Variants in WIZ observed in about 807,000 individuals in gnomAD.
WIZ encodes WIZ zinc finger, also known as protein Wiz.
In WIZ, 25 loss-of-function variants were observed where a neutral mutation model predicts 140.2. That is an observed-to-expected ratio of 0.18 (90% CI 0.13 to 0.25). The LOEUF (loss-of-function observed/expected upper bound fraction) is 0.25. Ranked by LOEUF, WIZ falls within the 10% of genes least tolerant of loss-of-function variation. The pLI is 1.00. For missense variants in WIZ, 2,231 were observed against 2,632.6 expected (o/e 0.85, Z 3.34); for synonymous variants, 1,125 against 1,154.3 (o/e 0.97, Z 0.51).
rs1464261370 is a variant in WIZ at position 15,428,819 on chromosome 19, G to A, written c.3416-311C>T. On this transcript the variant is annotated intron_variant, in intron 7 of 12. Transcript: ENST00000673675. The surrounding 1 kb of genome is among the most constrained non-coding windows in gnomAD (Gnocchi z 6.4). Reference sequence around the variant, plus strand: ...ATGGGAGCTATTTGGGGGCGATGGTGGCTGCTGGGCTCACGCAGCCAAGGG... The same window carrying A: ...ATGGGAGCTATTTGGGGGCGATGGTAGCTGCTGGGCTCACGCAGCCAAGGG... Among the ~76,000 whole-genome samples, 4 of 152,158 alleles carry A rather than the reference G, an allele frequency of 2.6e-5. No individual in the cohort carries two copies. Among genetic ancestry groups the A allele is most frequent in the African/African-American group, 4.8e-5 (2 of 41,416 alleles).
At chr19:15,449,701 C>T (rs1328965964) in intron 1 of WIZ, 97 bp downstream of exon 1, 1 of 145,906 alleles carries the variant, frequency 6.9e-6, no homozygotes, top group Non-Finnish European at 1.5e-5. Context: ...GCCCCCGCCC[C>T]GGGGGGTCCC....
Position 15,429,867 on chromosome 19 carries a change from T to A in WIZ, c.3134A>T (p.Glu1045Val), listed in dbSNP as rs1048462296. ...GGGCCGGGGGGCCCCGGCGACCACC[T>A]CCTTCAGTGAGCTGGACTTCTTAGC... ...GLAKKSSSLK[E>V]VVAGAPRPGL... The change falls in exon 7 of 13, where the codon GAG (glutamate) becomes GTG (valine). Residue 1045 changes from glutamate to valine, a missense_variant. Around this residue, in one of 15 missense-constraint regions of WIZ, gnomAD observed 163 missense variants for 166.8 expected, o/e 0.98. Coordinates refer to ENST00000673675, the MANE Select transcript of WIZ (RefSeq NM_001371589.1). The A allele has an allele frequency of 4.6e-6, 7 of 1,532,496 alleles. No homozygotes were observed. The highest frequency in any genetic ancestry group is 6.1e-6 in the Non-Finnish European group (7 of 1,144,556). 94.9% of individuals were successfully genotyped at this position (1,532,496 alleles called of 1,614,324 possible).
rs1350894778 is a variant in WIZ at position 15,425,670 on chromosome 19, G to A, written c.4465C>T (p.Arg1489Trp). The A allele has an allele frequency of 6.2e-7, 1 of 1,613,436 alleles. No homozygotes were observed. Among genetic ancestry groups the A allele is most frequent in the Non-Finnish European group, 8.5e-7 (1 of 1,179,942 alleles). ...GACCACTCGGTCACACCCATCTGCC[G>A]CAGGTGTGAGCGCGCGTGACTCGAC... ...GLSSHARSHL[R>W]QMGVTEWSVN... The change falls in exon 10 of 13, where the codon CGG becomes TGG. Residue 1489 changes from arginine (R) to tryptophan (W), a missense_variant. Coordinates refer to ENST00000673675, the MANE Select transcript of WIZ (RefSeq NM_001371589.1).
At chr19:15,446,404 C>T (rs755410321) in intron 2 of WIZ, among the ~76,000 whole-genome samples, 1 of 152,164 alleles carries the variant, frequency 6.6e-6, no homozygotes, top group Non-Finnish European at 1.5e-5. Context: ...GGCTGTGCGA[C>T]CTGGCACAAG....
Position 15,439,907 on chromosome 19 carries a change from C to T in WIZ, c.1087G>A (p.Asp363Asn). 6.5e-7 allele frequency: 1 copy of T among 1,528,126 alleles called. No individual in the cohort carries two copies. Among genetic ancestry groups the T allele is most frequent in the Non-Finnish European group, 8.8e-7 (1 of 1,142,430 alleles). The allele number at this position is 1,528,126 out of a possible 1,614,324, so 94.7% of individuals were successfully genotyped here. ...CGGTGCTGCTCCAGGGCAGTGGGGT[C>T]AGCAAAGGCCCAGCCACACTCCCCG... Reference protein sequence around the residue: ...ACGECGWAFADPTALEQHRQL... With the variant: ...ACGECGWAFANPTALEQHRQL... The change falls in exon 4 of 13, where the codon GAC becomes AAC. Residue 363 changes from aspartate (D) to asparagine (N), a missense_variant. Transcript: ENST00000673675. This position sits in a 1 kb window ranked among gnomAD's most constrained non-coding sequence, Gnocchi z 7.0.
chr19:15,436,939 C>G lies in WIZ; in HGVS notation c.2607G>C (p.Gln869His). 1 of 1,613,412 alleles carries G rather than the reference C, an allele frequency of 6.2e-7. No individual in the cohort carries two copies. The highest frequency in any genetic ancestry group is 8.5e-7 in the Non-Finnish European group (1 of 1,179,670). The change falls in exon 5 of 13, where the codon CAG (glutamine) becomes CAC (histidine). Residue 869 changes from glutamine to histidine, a missense_variant. By Grantham distance (24) the Gln-to-His change is conservative. Around this residue, in one of 15 missense-constraint regions of WIZ, gnomAD observed 137 missense variants for 135.8 expected, o/e 1.01. Coordinates refer to ENST00000673675, the MANE Select transcript of WIZ (RefSeq NM_001371589.1). Reference protein sequence around the residue: ...QELLATSAAEQPPSPLGREPG... With the variant: ...QELLATSAAEHPPSPLGREPG... ...GCTCTCGGCCCAGGGGGCTGGGGGGCTGCTCAGCAGCAGAGGTGGCCAGCA... is the reference window on the plus strand; with the variant it reads ...GCTCTCGGCCCAGGGGGCTGGGGGGGTGCTCAGCAGCAGAGGTGGCCAGCA...
chr19:15,429,251 C>T (rs1362770584), intron 7 of WIZ, among the ~76,000 whole-genome samples: 1 of 152,162 alleles, frequency 6.6e-6, no homozygotes, highest in African/African-American at 2.4e-5. Context: ...GCCACAGGAA[C>T]CCTGGTTACC....
At position 15,438,707 on chromosome 19, in the gene WIZ, C is replaced by T. The variant is rs758228659; in HGVS notation, c.2287G>A (p.Gly763Ser). 1.4e-5 allele frequency: 21 copies of T among 1,536,182 alleles called. No individual in the cohort carries two copies. Among genetic ancestry groups the T allele is most frequent in the African/African-American group, 6.8e-5 (5 of 73,194 alleles). The change falls in exon 4 of 13, where the codon GGC (glycine) becomes AGC (serine). Residue 763 changes from glycine (G) to serine (S), a missense_variant. Gly to Ser is a moderately conservative substitution (Grantham distance 56, BLOSUM62 0). Transcript: ENST00000673675. ...TGGCCCCGGACGTGGTTGGCCAAGC[C>T]GATGCCGTTGTGGAAGCGATCGGGG... is the stretch of plus-strand genomic sequence containing the variant. The part of the protein sequence containing the change: ...YCPDRFHNGI[G>S]LANHVRGHLN...
At chr19:15,432,577 C>G (rs1599682063) in intron 5 of WIZ, 1 of 524,556 alleles carries the variant, frequency 1.9e-6, no homozygotes, top group East Asian at 1.6e-4. Context: ...TGCCGCGGGG[C>G]CCGGGCTCGG....
Position 15,427,512 on chromosome 19 carries a change from C to T in WIZ, c.3836G>A (p.Arg1279Gln). ...ACCACAGAACTCGCAGCGGATGTCT[C>T]GTGCTGGCTCTGGGCCTGAGGCTGC... ...LNLSSGPEPARDIRCEFCGEF... is the reference protein window; with the variant it reads ...LNLSSGPEPAQDIRCEFCGEF... Residue 1279 changes from arginine (R) to glutamine (Q), a missense_variant, in exon 9 of 13, where the codon CGA becomes CAA. Physicochemically the swap from Arg to Gln is conservative, Grantham distance 43. Transcript: ENST00000673675. This position sits in a 1 kb window ranked among gnomAD's most constrained non-coding sequence, Gnocchi z 6.4. 1 of 1,609,604 alleles carries T rather than the reference C, an allele frequency of 6.2e-7. No homozygotes were observed. The highest frequency in any genetic ancestry group is 8.5e-7 in the Non-Finnish European group (1 of 1,177,126).
At chr19:15,434,594 A>AC (rs1969450437) in intron 5 of WIZ, among the ~76,000 whole-genome samples, 1 of 151,614 alleles carries the variant, frequency 6.6e-6, no homozygotes, top group Non-Finnish European at 1.5e-5. Context: ...TCAAAAAAAA[A>AC]AAAAAAAAGA....
At chr19:15,425,793 AAGGAGGAGGAGG>A in intron 9 of WIZ, 25 bp from the exon 10 acceptor site, 1 of 1,050,732 alleles carries the variant, frequency 9.5e-7, no homozygotes, top group South Asian at 1.6e-5. Context: ...GGGTAGGGGG[AAGGAGGAGGAGG>A]AGGAGGAGGA....
At chr19:15,436,700 A>G in intron 5 of WIZ, 106 bp downstream of exon 5, 1 of 1,206,314 alleles carries the variant, frequency 8.3e-7, no homozygotes, top group East Asian at 2.9e-5. Context: ...AGTGACTCAA[A>G]ATGCTTCCAG....
rs745746974 is a variant in WIZ at position 15,436,809 on chromosome 19, C to T, written c.2737G>A (p.Asp913Asn). Residue 913 changes from aspartate (D) to asparagine (N), a missense_variant, in exon 5 of 13, where the codon GAT becomes AAT. Transcript: ENST00000673675. ...WAEDPGPAYG[D>N]GLGSEENAMV... ...ACAGCCCGTCCCCTCCCCTTACCAT[C>T]TCCATAGGCTGGCCCAGGGTCCTCA... is the stretch of plus-strand genomic sequence containing the variant. 1.3e-6 allele frequency: 2 copies of T among 1,581,750 alleles called. No homozygotes were observed. Among genetic ancestry groups the T allele is most frequent in the East Asian group, 2.3e-5 (1 of 43,720 alleles).
chr19:15,444,971 T>C (rs1969866952), intron 2 of WIZ, among the ~76,000 whole-genome samples: 1 of 152,160 alleles, frequency 6.6e-6, no homozygotes, highest in South Asian at 2.1e-4. Flanking sequence ...CCAGCGAGGC[T>C]CCTATTTTTA....
chr19:15,424,869 C>T lies in WIZ; in HGVS notation c.5058G>A (p.Lys1686=). ...GGATGTAGCTGCGGTAGGCGCCCACCTTCTGGGGCCGGTGTTTGATCCACT... is the reference window on the plus strand; with the variant it reads ...GGATGTAGCTGCGGTAGGCGCCCACTTTCTGGGGCCGGTGTTTGATCCACT... ...LSEWIKHRPQ[K]VGAYRSYIQG... Residue 1686 remains lysine, a synonymous_variant, in exon 11 of 13, where the codon AAG becomes AAA. Transcript: ENST00000673675. The surrounding 1 kb of genome is among the most constrained non-coding windows in gnomAD (Gnocchi z 9.7). The T allele has an allele frequency of 6.2e-7, 1 of 1,611,080 alleles. No individual in the cohort carries two copies. The highest frequency in any genetic ancestry group is 8.5e-7 in the Non-Finnish European group (1 of 1,179,442).
At chr19:15,448,079 G>A in intron 2 of WIZ, 24 bp downstream of exon 2, 1 of 1,611,188 alleles carries the variant, frequency 6.2e-7, no homozygotes, top group Non-Finnish European at 8.5e-7. Context: ...TGCTCCCTGG[G>A]GGCCACACGG....
chr19:15,437,393 G>C (rs1412833567), intron 4 of WIZ, among the ~76,000 whole-genome samples: 2 of 152,240 alleles, frequency 1.3e-5, no homozygotes, highest in Non-Finnish European at 2.9e-5. Flanking sequence ...GCCAGGTGTG[G>C]TGGCTCACGC....
rs2077341207 is a variant in WIZ at position 15,428,627 on chromosome 19, C to T, written c.3416-119G>A. The T allele has an allele frequency of 8.0e-6, 10 of 1,247,114 alleles. No homozygotes were observed. Among genetic ancestry groups the T allele is most frequent in the South Asian group, 7.0e-5 (5 of 71,268 alleles). The allele number at this position is 1,247,114 out of a possible 1,614,324, so 77.3% of individuals were successfully genotyped here. A position where few individuals can be genotyped will look rare whatever the true frequency, so the allele number is the denominator to read the frequency against. On this transcript the variant is annotated intron_variant, in intron 7 of 12. Coordinates refer to ENST00000673675, the MANE Select transcript of WIZ (RefSeq NM_001371589.1). This position sits in a 1 kb window ranked among gnomAD's most constrained non-coding sequence, Gnocchi z 6.4. ...TCAGGCAGTTGGGGGGTCCAAGACTCAGGCCGCAGATTTCTTTTGAAGTTT... is the reference window on the plus strand; with the variant it reads ...TCAGGCAGTTGGGGGGTCCAAGACTTAGGCCGCAGATTTCTTTTGAAGTTT...
Sources: gnomAD v4.1 joint callset for allele counts (sites outside exome capture counted in the v4.1 genomes callset) on GRCh38, gnomAD v4.1.1 for gene constraint, gnomAD v4.1.1 regional missense constraint, Gnocchi (gnomAD v3.1) non-coding constraint, MANE v1.5 for transcripts, NCBI Gene and HGNC (gene_info 2026-07-23, HGNC 2026-07-21) for gene names.